Variants in MID1 observed in about 807,000 individuals in gnomAD.
MID1 encodes the protein midline 1.
Under a neutral mutation model 40.4 loss-of-function variants are expected in MID1, and 7 were observed. That is an observed-to-expected ratio of 0.17 (90% CI 0.10 to 0.33). The LOEUF (loss-of-function observed/expected upper bound fraction) is 0.33, where lower values mean the gene tolerates loss of function less well. Ranked by LOEUF, MID1 falls within the 10% of genes least tolerant of loss-of-function variation. The probability of loss-of-function intolerance (pLI) is 1.00; values close to 1 mark genes in which losing one functional copy is unlikely to be tolerated. For synonymous variants in MID1, 229 were observed against 221.2 expected, an observed-to-expected ratio of 1.04 and a Z score of -0.31; for missense variants, 367 against 558.5, an observed-to-expected ratio of 0.66 and a Z score of 3.46.
At chrX:10,469,398 G>A in intron 7 of MID1, 1 of 1,028,490 alleles carries the variant, frequency 9.7e-7, no homozygotes, top group Non-Finnish European at 1.3e-6. Flanking sequence ...ATATATATTT[G>A]TTTCTCTCTC....
In MID1 at chrX:10,796,630, C is replaced by G. The variant is rs73202027; in HGVS notation, c.-187+36924G>C. On this transcript the variant is annotated intron_variant, in intron 1 of 10. Coordinates refer to the MID1 transcript ENST00000380785. ...TCTTATTAATAAAACCCAAACTAGG[C>G]CTTGTTCAGGGTGATTGGCCAGAAA... 5.0e-3 allele frequency among the ~76,000 whole-genome samples: 549 copies of G among 109,454 alleles called. 2 individuals carry two copies. The highest frequency in any genetic ancestry group is 7.4e-3 in the Non-Finnish European group (390 of 52,649).
At position 10,681,787 on chromosome X, in the gene MID1, C is replaced by A. The variant is rs746761260; in HGVS notation, c.-186-61368G>T. The stretch of plus-strand genomic sequence containing the variant: ...GAGAGTACAATCACTTGTAATTATA[C>A]AGTCATTAAAATGATATAGCACATC... On this transcript the variant is annotated intron_variant, in intron 1 of 10. Transcript: ENST00000380785. Among the ~76,000 whole-genome samples the A allele has an allele frequency of 1.8e-5, 2 of 111,554 alleles. 1 individual carries two copies. The highest frequency in any genetic ancestry group is 7.6e-4 in the South Asian group (2 of 2,615).
intron 3 of MID1, among the ~76,000 whole-genome samples, chrX:10,497,104 A>G (rs866202872): frequency 8.0e-5 from 9 of 112,437 alleles, no homozygotes; most frequent in South Asian, 7.4e-4. Flanking sequence ...AGGTTTCTCA[A>G]ATAAATTTAG....
In MID1 at chrX:10,643,432, C is replaced by T. The variant is rs1215093942; in HGVS notation, c.-186-23013G>A. Among the ~76,000 whole-genome samples, 4 of 111,708 alleles carry T rather than the reference C, an allele frequency of 3.6e-5. No homozygotes were observed. The East Asian group carries it at 1.1e-3, about 31-fold the overall frequency. ...TGAAAAAATGCTCATCATCACTGGC[C>T]ATCAGAGAAATGCAAATCAAAACCA... On this transcript the variant is annotated intron_variant, in intron 1 of 10. Transcript: ENST00000380785.
intron 2 of MID1, among the ~76,000 whole-genome samples, chrX:10,533,368 GAA>G (rs1460776678): frequency 5.6e-5 from 3 of 53,909 alleles, no homozygotes; most frequent in Admixed American, 2.3e-4. Flanking sequence ...AAGAAAGAAA[GAA>G]AGAAAGAAAA....
At chrX:10,517,391 T>G (rs1008756698) in intron 3 of MID1, among the ~76,000 whole-genome samples, 5 of 112,257 alleles carry the variant, frequency 4.5e-5, no homozygotes, top group African/African-American at 1.6e-4. Flanking sequence ...CTCCATGGCC[T>G]TTTTGGAGTT....
rs745952148 is a variant in MID1, at chrX:10,800,326, G to T, written c.-187+33228C>A. Among the ~76,000 whole-genome samples, 47 of 111,548 alleles carry T rather than the reference G, an allele frequency of 4.2e-4. No homozygotes were observed. The South Asian group carries it at 5.3e-3, about 13-fold the overall frequency. On this transcript the variant is annotated intron_variant, in intron 1 of 10. Coordinates refer to the MID1 transcript ENST00000380785. ...CAACAGCCCCCAATGAACTGAGTCT[G>T]CCAACAATTACATGAGTAAGCTCGT...
At chrX:10,826,373 G>A (rs925706095) in intron 1 of MID1, among the ~76,000 whole-genome samples, 1 of 111,825 alleles carries the variant, frequency 8.9e-6, no homozygotes, top group African/African-American at 3.2e-5. Context: ...GTTCACCTAC[G>A]TTGACTCTGA....
At chrX:10,628,082 T>C (rs187409972) in intron 1 of MID1, among the ~76,000 whole-genome samples, 1 of 105,890 alleles carries the variant, frequency 9.4e-6, no homozygotes, top group Non-Finnish European at 2.0e-5. Flanking sequence ...ATGGTGTGTG[T>C]TTTTTTTTAA....
chrX:10,808,004 T>A (rs778874591), intron 1 of MID1, among the ~76,000 whole-genome samples: 1 of 112,341 alleles, frequency 8.9e-6, no homozygotes, highest in African/African-American at 3.2e-5. Context: ...AAGAAAGGGG[T>A]AACAGGTTCT....
chrX:10,698,384 C>A (rs1259473918), intron 1 of MID1, among the ~76,000 whole-genome samples: 1 of 112,328 alleles, frequency 8.9e-6, no homozygotes, highest in Non-Finnish European at 1.9e-5. Flanking sequence ...CAGCTTATGT[C>A]TTATATACAT....
chrX:10,717,595 T>A (rs1177843234), intron 1 of MID1, among the ~76,000 whole-genome samples: 2 of 109,912 alleles, frequency 1.8e-5, no homozygotes, highest in African/African-American at 6.6e-5. Context: ...ACAATAATAA[T>A]GGGAGACTTT....
In MID1 at chrX:10,561,987, T is replaced by C. The variant is rs1213652097; in HGVS notation, c.660+4901A>G. ...AACCAACCCAAATGCCCACCAATGATAGACTGGATAAAGAAAATGTGGCAC... is the reference window on the plus strand; with the variant it reads ...AACCAACCCAAATGCCCACCAATGACAGACTGGATAAAGAAAATGTGGCAC... On this transcript the variant is annotated intron_variant, in intron 2 of 9. Transcript: ENST00000317552. Among the ~76,000 whole-genome samples the C allele has an allele frequency of 3.7e-5, 4 of 107,068 alleles. No individual in the cohort carries two copies. The East Asian group carries it at 1.1e-3, about 30-fold the overall frequency. The allele number at this position is 107,068 out of a possible 115,157, so 93.0% of individuals were successfully genotyped here.
rs189869254 is a variant in MID1 at position 10,489,016 on chromosome X, T to C, written c.865-6388A>G. 5.5e-3 allele frequency among the ~76,000 whole-genome samples: 618 copies of C among 111,469 alleles called. 2 individuals are homozygous for C. The highest frequency in any genetic ancestry group is 9.6e-3 in the Non-Finnish European group (512 of 53,087). On this transcript the variant is annotated intron_variant, in intron 4 of 9. Coordinates refer to ENST00000317552, the MANE Select transcript of MID1 (RefSeq NM_000381.4). ...TTAGTTCTGTCGCTCTAGAGAACCC[T>C]AAGTAATACATCATCCACACCTCTT...
chrX:10,507,043 C>T (rs1931874812), intron 3 of MID1, among the ~76,000 whole-genome samples: 1 of 111,882 alleles, frequency 8.9e-6, no homozygotes, highest in Non-Finnish European at 1.9e-5. Flanking sequence ...TTATTATTGT[C>T]TTTCTGGAAC....
chrX:10,488,397 T>C (rs778953590), intron 4 of MID1, among the ~76,000 whole-genome samples: 3 of 112,261 alleles, frequency 2.7e-5, no homozygotes, highest in South Asian at 7.4e-4. Flanking sequence ...TTCCAGCATG[T>C]ACTACTTTAA....
At chrX:10,697,212 A>G (rs1200463327) in intron 1 of MID1, among the ~76,000 whole-genome samples, 1 of 111,576 alleles carries the variant, frequency 9.0e-6, no homozygotes, top group Non-Finnish European at 1.9e-5. Context: ...AAGGATTCGC[A>G]GGGCTACTCT....
intron 1 of MID1, among the ~76,000 whole-genome samples, chrX:10,749,201 A>G (rs2043582203): frequency 2.7e-5 from 3 of 110,955 alleles, no homozygotes; most frequent in Admixed American, 1.9e-4. Context: ...CAAGACACTC[A>G]TAAACTGCAG....
intron 1 of MID1, among the ~76,000 whole-genome samples, chrX:10,610,009 C>T (rs1038618641): frequency 2.2e-4 from 25 of 111,996 alleles, no homozygotes; most frequent in Non-Finnish European, 4.5e-4. Flanking sequence ...TGAGCCACCG[C>T]GCCCGGCCTT....
Sources: gnomAD v4.1 joint callset for allele counts (sites outside exome capture counted in the v4.1 genomes callset) on GRCh38, gnomAD v4.1.1 for gene constraint, MANE v1.5 for transcripts, NCBI Gene and HGNC (gene_info 2026-07-23, HGNC 2026-07-21) for gene names.